The following NKAIN2 variants were observed in gnomAD, a reference collection of about 807,000 sequenced individuals.
NKAIN2 encodes sodium/potassium-transporting ATPase subunit beta-1-interacting protein 2.
A neutral mutation model predicts 32.6 loss-of-function variants in NKAIN2; 14 were observed. The ratio of observed to expected loss-of-function variants is 0.43; its 90% confidence interval spans 0.28 to 0.67. The LOEUF (loss-of-function observed/expected upper bound fraction) is 0.67. Ranked by LOEUF, NKAIN2 falls within the 30% of genes least tolerant of loss-of-function variation. The probability of loss-of-function intolerance (pLI) is 0.17; values close to 1 mark genes in which losing one functional copy is unlikely to be tolerated. For missense variants in NKAIN2, 198 were observed against 258.3 expected, an observed-to-expected ratio of 0.77 and a Z score of 1.60; for synonymous variants, 80 against 87.2, an observed-to-expected ratio of 0.92 and a Z score of 0.46.
intron 3 of NKAIN2, among the ~76,000 whole-genome samples, chr6:124,391,793 C>A (rs1044670988): frequency 6.6e-6 from 1 of 152,072 alleles, no homozygotes; most frequent in Admixed American, 6.6e-5. Flanking sequence ...AAAACTTGAA[C>A]TTCTTGTGAT....
intron 1 of NKAIN2, among the ~76,000 whole-genome samples, chr6:124,011,296 T>C (rs1780312245): frequency 6.6e-6 from 1 of 152,128 alleles, no homozygotes; most frequent in Admixed American, 6.5e-5. Context: ...CCAACTGTAG[T>C]CATCTTTCAT....
In NKAIN2 at chr6:124,294,025, C is replaced by T. The variant is rs1275901797; in HGVS notation, c.192+10883C>T. ...GTCTTTTTTGTGTTGCTATAGCACA[C>T]TACCTGAGATTGGATGATTTGCTTA... On this transcript the variant is annotated intron_variant, in intron 2 of 6. Transcript: ENST00000368417. 5.3e-5 allele frequency among the ~76,000 whole-genome samples: 8 copies of T among 152,112 alleles called. 1 individual carries two copies. Among genetic ancestry groups the T allele is most frequent in the Non-Finnish European group, 1.2e-4 (8 of 68,026 alleles).
chr6:123,818,921 A>C (rs1773808976), intron 1 of NKAIN2, among the ~76,000 whole-genome samples: 1 of 152,154 alleles, frequency 6.6e-6, no homozygotes, highest in South Asian at 2.1e-4. Flanking sequence ...TCTTATTTGC[A>C]ATTCTGCAAG....
chr6:124,104,154 C>G (rs1361850549), intron 1 of NKAIN2, among the ~76,000 whole-genome samples: 1 of 152,152 alleles, frequency 6.6e-6, no homozygotes, highest in East Asian at 1.9e-4. Flanking sequence ...CTGTTTACCC[C>G]TTCGCTCCCC....
chr6:124,055,471 G>GT lies in NKAIN2; in HGVS notation c.55-227528dup, dbSNP rs570714122. ...TTAGATGGAAGCTATTTAGTTCCTT[G>GT]TTTTTTCTAATTACACACTGCTTTT... On this transcript the variant is annotated intron_variant, in intron 1 of 6. Coordinates refer to ENST00000368417, the MANE Select transcript of NKAIN2 (RefSeq NM_001040214.3). Among the ~76,000 whole-genome samples the GT allele has an allele frequency of 1.4e-4, 21 of 152,076 alleles. No homozygotes were observed. In the South Asian group the frequency reaches 2.9e-3, roughly 21 times the overall value.
At chr6:124,784,892 A>T (rs1779431294) in intron 4 of NKAIN2, among the ~76,000 whole-genome samples, 1 of 151,904 alleles carries the variant, frequency 6.6e-6, no homozygotes, top group Non-Finnish European at 1.5e-5. Flanking sequence ...CCTAAGTTTG[A>T]TTGTCATGCA....
intron 3 of NKAIN2, among the ~76,000 whole-genome samples, chr6:124,364,065 A>G (rs1799409894): frequency 6.6e-6 from 1 of 152,060 alleles, no homozygotes; most frequent in Non-Finnish European, 1.5e-5. Context: ...ACTGGAATTT[A>G]TGTAAAGAAT....
intron 4 of NKAIN2, among the ~76,000 whole-genome samples, chr6:124,734,466 A>C (rs189593578): frequency 2.0e-5 from 3 of 151,182 alleles, no homozygotes; most frequent in Admixed American, 2.0e-4. Flanking sequence ...GTCCCTTACT[A>C]CCTAAATTCT....
chr6:124,237,654 G>A (rs1201049900), intron 1 of NKAIN2, among the ~76,000 whole-genome samples: 2 of 152,126 alleles, frequency 1.3e-5, no homozygotes, highest in Non-Finnish European at 1.5e-5. Context: ...TCACAAGGTA[G>A]TAAGAATATT....
At chr6:124,717,238 A>ACCAG in intron 4 of NKAIN2, among the ~76,000 whole-genome samples, 1 of 152,348 alleles carries the variant, frequency 6.6e-6, no homozygotes, top group Admixed American at 6.5e-5. Context: ...TATAAATTGT[A>ACCAG]GCACTATTAA....
Position 124,340,530 on chromosome 6 carries a change from A to G in NKAIN2, c.193-14737A>G, listed in dbSNP as rs143669404. 2.9e-3 allele frequency among the ~76,000 whole-genome samples: 440 copies of G among 151,890 alleles called. 1 individual carries two copies. The highest frequency in any genetic ancestry group is 0.01 in the African/African-American group (423 of 41,442). The stretch of plus-strand genomic sequence containing the variant: ...TTTTTCTGCTCCTCTCCCTCCTCCC[A>G]TCCTCTCCCCCACCAAGTAGACCCC... On this transcript the variant is annotated intron_variant, in intron 2 of 6. Coordinates refer to ENST00000368417, the MANE Select transcript of NKAIN2 (RefSeq NM_001040214.3).
intron 4 of NKAIN2, among the ~76,000 whole-genome samples, chr6:124,702,698 C>T (rs1774858458): frequency 6.6e-6 from 1 of 152,016 alleles, no homozygotes; most frequent in African/African-American, 2.4e-5. Flanking sequence ...TGCTTATTAG[C>T]CTTCTGAGAG....
At position 124,710,302 on chromosome 6, in the gene NKAIN2, T is replaced by G. The variant is rs549023198; in HGVS notation, c.474+51916T>G. ...TGGTGTGGTGCTGAAAAAATGTATA[T>G]TCTGTTGATTTGGGGTGGAGAGTTC... On this transcript the variant is annotated intron_variant, in intron 4 of 6. Coordinates refer to ENST00000368417, the MANE Select transcript of NKAIN2 (RefSeq NM_001040214.3). 9.2e-5 allele frequency among the ~76,000 whole-genome samples: 14 copies of G among 152,282 alleles called. No individual in the cohort carries two copies. In the South Asian group the frequency reaches 2.9e-3, roughly 32 times the overall value.
At chr6:124,404,353 A>AT (rs1773755050) in intron 3 of NKAIN2, among the ~76,000 whole-genome samples, 1 of 152,198 alleles carries the variant, frequency 6.6e-6, no homozygotes, top group African/African-American at 2.4e-5. Context: ...CCTGAGCATC[A>AT]TTCACTATGC....
chr6:124,802,101 T>C (rs978238612), intron 5 of NKAIN2, among the ~76,000 whole-genome samples: 2 of 152,200 alleles, frequency 1.3e-5, no homozygotes, highest in South Asian at 4.1e-4. Context: ...TTTTCATTTC[T>C]GGAGGCTGTA....
intron 1 of NKAIN2, among the ~76,000 whole-genome samples, chr6:124,133,839 C>T (rs547645934): frequency 1.1e-4 from 17 of 150,954 alleles, no homozygotes; most frequent in South Asian, 4.2e-4. Context: ...CTGATCCTTA[C>T]GAGGGGAAAA....
chr6:124,263,828 C>CATA (rs1430288847), intron 1 of NKAIN2, among the ~76,000 whole-genome samples: 1 of 151,910 alleles, frequency 6.6e-6, no homozygotes, highest in East Asian at 1.9e-4. Context: ...CTCAGATATG[C>CATA]ATAATATCAC....
intron 3 of NKAIN2, among the ~76,000 whole-genome samples, chr6:124,649,291 A>G (rs1263805580): frequency 1.3e-5 from 2 of 152,214 alleles, no homozygotes; most frequent in Admixed American, 6.5e-5. Context: ...AAGCAGGAAT[A>G]TAACTACAGA....
intron 3 of NKAIN2, among the ~76,000 whole-genome samples, chr6:124,455,360 A>C (rs977866885): frequency 1.3e-5 from 2 of 152,030 alleles, no homozygotes; most frequent in Non-Finnish European, 2.9e-5. Context: ...AACTCCTAAA[A>C]CAAAGGTACT....
Sources: gnomAD v4.1 joint callset for allele counts (sites outside exome capture counted in the v4.1 genomes callset) on GRCh38, gnomAD v4.1.1 for gene constraint, MANE v1.5 for transcripts, NCBI Gene and HGNC (gene_info 2026-07-23, HGNC 2026-07-21) for gene names.